PPP1R16B: variants seen among roughly 807,000 people sequenced by gnomAD.
PPP1R16B encodes protein phosphatase 1 regulatory subunit 16B.
In PPP1R16B, 14 loss-of-function variants were observed where a neutral mutation model predicts 61.7. That is an observed-to-expected ratio of 0.23 (90% CI 0.15 to 0.35). The LOEUF is 0.35. PPP1R16B is among the 10% of genes least tolerant of loss of function. The pLI is 1.00. For missense variants in PPP1R16B, 547 were observed against 752.5 expected, an observed-to-expected ratio of 0.73 and a Z score of 3.19; for synonymous variants, 266 against 305.3, an observed-to-expected ratio of 0.87 and a Z score of 1.34.
At chr20:38,914,136 T>A (rs2085513817) in intron 10 of PPP1R16B, among the ~76,000 whole-genome samples, 1 of 151,608 alleles carries the variant, frequency 6.6e-6, no homozygotes, top group South Asian at 2.1e-4. Flanking sequence ...TGAGCCAAGA[T>A]TGCACCACTG....
chr20:38,877,355 G>A (rs543322436), intron 2 of PPP1R16B, among the ~76,000 whole-genome samples: 2 of 149,846 alleles, frequency 1.3e-5, no homozygotes, highest in African/African-American at 2.5e-5. Context: ...TGTTGCCCAC[G>A]CTGGAGTGCA....
chr20:38,824,334 C>T (rs963887753), intron 1 of PPP1R16B, among the ~76,000 whole-genome samples: 2 of 152,166 alleles, frequency 1.3e-5, no homozygotes, highest in Non-Finnish European at 2.9e-5. Context: ...GTTCTATTAC[C>T]AGTTGGTCTC....
At chr20:38,873,734 C>CTTT (rs1329509887) in intron 2 of PPP1R16B, among the ~76,000 whole-genome samples, 34 of 108,788 alleles carry the variant, frequency 3.1e-4, no homozygotes, top group Middle Eastern at 4.4e-3. Context: ...GCTGAAACAT[C>CTTT]TTTTTTTTGT....
rs945260890 is a variant in PPP1R16B at position 38,895,730 on chromosome 20, C to G, written c.467+20C>G. On this transcript the variant is annotated intron_variant, in intron 4 of 10. Coordinates refer to ENST00000299824, the MANE Select transcript of PPP1R16B (RefSeq NM_015568.4). ...TCAGTAGTACGTGCCCCTCCCTGCC[C>G]CAGAGCAGCCTCCCTCCACCTCTTG... 5 of 1,608,562 alleles carry G rather than the reference C, an allele frequency of 3.1e-6. No homozygotes were observed. The highest frequency in any genetic ancestry group is 4.2e-6 in the Non-Finnish European group (5 of 1,176,754).
At chr20:38,887,904 G>C (rs182120998) in intron 2 of PPP1R16B, among the ~76,000 whole-genome samples, 4 of 152,190 alleles carry the variant, frequency 2.6e-5, no homozygotes, top group East Asian at 1.9e-4. Context: ...TGGGAGCTGG[G>C]CCTCATGAGG....
At chr20:38,809,985 G>GAA (rs11086731) in intron 1 of PPP1R16B, among the ~76,000 whole-genome samples, 4,556 of 79,808 alleles carry the variant, frequency 0.057, 215 homozygotes, top group Non-Finnish European at 0.07. Context: ...ACCTTGTTTC[G>GAA]AAAAAAAAAA....
chr20:38,888,927 A>ACACACACC (rs1484852590), intron 2 of PPP1R16B, among the ~76,000 whole-genome samples: 8 of 129,966 alleles, frequency 6.2e-5, no homozygotes, highest in Admixed American at 3.0e-4. Context: ...ACACACACAC[A>ACACACACC]CCCCTAGACA....
chr20:38,846,962 A>G (rs2084939188), intron 2 of PPP1R16B, among the ~76,000 whole-genome samples: 1 of 152,196 alleles, frequency 6.6e-6, no homozygotes, highest in Admixed American at 6.5e-5. Flanking sequence ...TGATTGTGCC[A>G]CTGCACTCCA....
intron 2 of PPP1R16B, among the ~76,000 whole-genome samples, chr20:38,860,890 T>C (rs1411117731): frequency 6.6e-6 from 1 of 152,154 alleles, no homozygotes; most frequent in Non-Finnish European, 1.5e-5. Flanking sequence ...GGGTCTTCCA[T>C]GCTAACTTGC....
Position 38,920,138 on chromosome 20 carries a change from G to T in PPP1R16B, c.*1472G>T, listed in dbSNP as rs2085582161. On this transcript the variant is annotated 3_prime_UTR_variant, in exon 11 of 11. Coordinates refer to ENST00000299824, the MANE Select transcript of PPP1R16B (RefSeq NM_015568.4). ...GTTTCATAGTCCCAGCCTTCCTGGTGCTGGGGAGGGAGGACTGTGAATGGC... is the reference window on the plus strand; with the variant it reads ...GTTTCATAGTCCCAGCCTTCCTGGTTCTGGGGAGGGAGGACTGTGAATGGC... 6.5e-6 allele frequency: 1 copy of T among 152,722 alleles called. No individual in the cohort carries two copies. Among genetic ancestry groups the T allele is most frequent in the Non-Finnish European group, 1.5e-5 (1 of 68,152 alleles). The allele number at this position is 152,722 out of a possible 1,614,324, so 9.5% of individuals were successfully genotyped here.
chr20:38,879,298 G>A (rs572689620), intron 2 of PPP1R16B, among the ~76,000 whole-genome samples: 1 of 152,098 alleles, frequency 6.6e-6, no homozygotes, highest in African/African-American at 2.4e-5. Flanking sequence ...AGGGTCCAAG[G>A]CACACAGTCT....
chr20:38,869,322 C>A (rs1249166579), intron 2 of PPP1R16B, among the ~76,000 whole-genome samples: 1 of 152,038 alleles, frequency 6.6e-6, no homozygotes, highest in Non-Finnish European at 1.5e-5. Flanking sequence ...CCATGCCCAG[C>A]TAATTTTTGT....
intron 2 of PPP1R16B, among the ~76,000 whole-genome samples, chr20:38,863,548 G>A (rs560548147): frequency 2.0e-5 from 3 of 152,224 alleles, no homozygotes; most frequent in Admixed American, 2.0e-4. Context: ...GCCCTTTCCA[G>A]GTTCCTGTTC....
At chr20:38,849,389 TC>T (rs987974885) in intron 2 of PPP1R16B, among the ~76,000 whole-genome samples, 65 of 152,302 alleles carry the variant, frequency 4.3e-4, no homozygotes, top group African/African-American at 1.3e-3. Context: ...GCTAACTACT[TC>T]CGTTCCTTTT....
chr20:38,817,156 A>G (rs2084740975), intron 1 of PPP1R16B, among the ~76,000 whole-genome samples: 1 of 152,332 alleles, frequency 6.6e-6, no homozygotes, highest in Admixed American at 6.5e-5. Flanking sequence ...TGAAACCAGC[A>G]ATTACCAGAG....
chr20:38,805,733 C>G lies in PPP1R16B; in HGVS notation c.-161C>G, dbSNP rs1411413639. On this transcript the variant is annotated 5_prime_UTR_variant, in exon 1 of 11. Coordinates refer to ENST00000299824, the MANE Select transcript of PPP1R16B (RefSeq NM_015568.4). ...TGTCGCCGCTGGAGCAGCTGCGGCTCGGGGACCCACAGACACAGCCGGGGT... is the reference window on the plus strand; with the variant it reads ...TGTCGCCGCTGGAGCAGCTGCGGCTGGGGGACCCACAGACACAGCCGGGGT... 6.6e-6 allele frequency: 1 copy of G among 152,244 alleles called. No homozygotes were observed. Among genetic ancestry groups the G allele is most frequent in the Non-Finnish European group, 1.5e-5 (1 of 68,098 alleles). The allele number at this position is 152,244 out of a possible 1,614,324, so 9.4% of individuals were successfully genotyped here. A position where few individuals can be genotyped will look rare whatever the true frequency, so the allele number is the denominator to read the frequency against.
intron 5 of PPP1R16B, among the ~76,000 whole-genome samples, chr20:38,901,958 T>A (rs1320375086): frequency 6.6e-6 from 1 of 152,248 alleles, no homozygotes; most frequent in South Asian, 2.1e-4. Flanking sequence ...CGTTTAAAGC[T>A]TAGTCAAAAG....
intron 1 of PPP1R16B, among the ~76,000 whole-genome samples, chr20:38,809,710 T>C (rs1350199344): frequency 6.6e-6 from 1 of 152,012 alleles, no homozygotes; most frequent in Non-Finnish European, 1.5e-5. Context: ...CCAGGTGCGG[T>C]GGCTCATGCC....
At chr20:38,860,762 A>G (rs2085043859) in intron 2 of PPP1R16B, among the ~76,000 whole-genome samples, 1 of 152,230 alleles carries the variant, frequency 6.6e-6, no homozygotes, top group African/African-American at 2.4e-5. Flanking sequence ...TGCATCTACT[A>G]TGAGCTAGTC....
Sources: gnomAD v4.1 joint callset for allele counts (sites outside exome capture counted in the v4.1 genomes callset) on GRCh38, gnomAD v4.1.1 for gene constraint, MANE v1.5 for transcripts, NCBI Gene and HGNC (gene_info 2026-07-23, HGNC 2026-07-21) for gene names.